ZMAT4: variants seen among roughly 807,000 people sequenced by gnomAD.
The protein encoded by ZMAT4 is zinc finger matrin-type 4.
A neutral mutation model predicts 28.7 loss-of-function variants in ZMAT4; 17 were observed. That is an observed-to-expected ratio of 0.59 (90% CI 0.41 to 0.89). The LOEUF (loss-of-function observed/expected upper bound fraction) is 0.89. Among genes scored for constraint, ZMAT4 ranks in the 40% least tolerant of loss-of-function variants. The pLI, the probability that ZMAT4 is intolerant of heterozygous loss-of-function variation, is 0.00. For missense variants in ZMAT4, 240 were observed against 283.8 expected, an observed-to-expected ratio of 0.85 and a Z score of 1.11; for synonymous variants, 117 against 109.2, an observed-to-expected ratio of 1.07 and a Z score of -0.44.
chr8:40,883,841 C>T (rs898114500), intron 1 of ZMAT4, among the ~76,000 whole-genome samples: 5 of 152,222 alleles, frequency 3.3e-5, no homozygotes, highest in Middle Eastern at 3.4e-3. Context: ...GAGCTACCTC[C>T]GCAGCAGCTC....
chr8:40,615,932 C>T (rs934314925), intron 5 of ZMAT4, among the ~76,000 whole-genome samples: 1 of 152,076 alleles, frequency 6.6e-6, no homozygotes, highest in African/African-American at 2.4e-5. Flanking sequence ...AAGAAACTAC[C>T]ATCAGAGTGA....
intron 5 of ZMAT4, among the ~76,000 whole-genome samples, chr8:40,610,863 A>G (rs1440221959): frequency 6.6e-6 from 1 of 151,840 alleles, no homozygotes; most frequent in Admixed American, 6.6e-5. Flanking sequence ...AAAAGGCTAT[A>G]TGTGAAACCT....
intron 4 of ZMAT4, among the ~76,000 whole-genome samples, chr8:40,691,937 G>T (rs532453605): frequency 9.9e-5 from 15 of 152,222 alleles, no homozygotes; most frequent in African/African-American, 3.6e-4. Context: ...AGTTTTGTAA[G>T]ATCAAGCAAG....
At chr8:40,644,281 G>GA (rs1807197499) in intron 5 of ZMAT4, among the ~76,000 whole-genome samples, 1 of 151,970 alleles carries the variant, frequency 6.6e-6, no homozygotes, top group South Asian at 2.1e-4. Flanking sequence ...TCATTCTCCA[G>GA]AAAAAAAGGA....
intron 3 of ZMAT4, among the ~76,000 whole-genome samples, chr8:40,699,648 A>C (rs1322624562): frequency 6.6e-6 from 1 of 152,088 alleles, no homozygotes. Flanking sequence ...GCCATAAAAA[A>C]GAATGAAATC....
intron 2 of ZMAT4, among the ~76,000 whole-genome samples, chr8:40,814,212 G>A (rs138777140): frequency 0.014 from 2,181 of 152,338 alleles, 24 homozygotes; most frequent in South Asian, 0.064. Flanking sequence ...CAAACAAGAA[G>A]AGCACACTGT....
At chr8:40,540,324 T>A (rs1428582632) in intron 6 of ZMAT4, among the ~76,000 whole-genome samples, 1 of 152,140 alleles carries the variant, frequency 6.6e-6, no homozygotes, top group African/African-American at 2.4e-5. Flanking sequence ...CCTTCCCTTT[T>A]TTCCCTTTTC....
intron 6 of ZMAT4, among the ~76,000 whole-genome samples, chr8:40,580,176 C>A (rs2118540496): frequency 6.6e-6 from 1 of 152,094 alleles, no homozygotes; most frequent in African/African-American, 2.4e-5. Context: ...CCACGCCTGG[C>A]TCATTTTTTG....
intron 6 of ZMAT4, among the ~76,000 whole-genome samples, chr8:40,537,467 A>G (rs1802882619): frequency 6.6e-6 from 1 of 152,196 alleles, no homozygotes; most frequent in African/African-American, 2.4e-5. Flanking sequence ...AATGAATTCA[A>G]CTCTTCTGCT....
intron 2 of ZMAT4, among the ~76,000 whole-genome samples, chr8:40,783,671 A>T (rs1189385569): frequency 6.6e-6 from 1 of 152,168 alleles, no homozygotes; most frequent in Non-Finnish European, 1.5e-5. Context: ...GAAACATGAT[A>T]AAAAATCCCA....
intron 3 of ZMAT4, among the ~76,000 whole-genome samples, chr8:40,703,346 A>C (rs1344456034): frequency 6.6e-6 from 1 of 152,234 alleles, no homozygotes. Context: ...CTGCAGAGGG[A>C]GTAAATAAAA....
chr8:40,764,054 C>A (rs914031069), intron 3 of ZMAT4, among the ~76,000 whole-genome samples: 1 of 151,894 alleles, frequency 6.6e-6, no homozygotes, highest in African/African-American at 2.4e-5. Context: ...CCATACAGAT[C>A]ATTTTTTCCC....
chr8:40,577,454 T>G (rs565960729), intron 6 of ZMAT4, among the ~76,000 whole-genome samples: 1 of 152,172 alleles, frequency 6.6e-6, no homozygotes. Flanking sequence ...TTCTCACTCA[T>G]ATGAAAGCTA....
intron 3 of ZMAT4, among the ~76,000 whole-genome samples, chr8:40,748,320 G>A (rs767450116): frequency 1.3e-5 from 2 of 152,164 alleles, no homozygotes; most frequent in Non-Finnish European, 2.9e-5. Flanking sequence ...CTTGTACCAT[G>A]TTCAGTCACA....
intron 5 of ZMAT4, among the ~76,000 whole-genome samples, chr8:40,637,957 CAG>C (rs1445904728): frequency 5.3e-5 from 8 of 152,170 alleles, no homozygotes; most frequent in Non-Finnish European, 8.8e-5. Flanking sequence ...AGGCCAGACA[CAG>C]GGAGACAAAT....
intron 4 of ZMAT4, among the ~76,000 whole-genome samples, chr8:40,680,555 A>T (rs1280021498): frequency 2.0e-5 from 3 of 152,096 alleles, no homozygotes; most frequent in Admixed American, 6.6e-5. Context: ...GCTGGGGAAG[A>T]GGGTGACACC....
chr8:40,673,207 G>A (rs1402640327), intron 5 of ZMAT4, among the ~76,000 whole-genome samples: 2 of 152,086 alleles, frequency 1.3e-5, no homozygotes, highest in African/African-American at 4.8e-5. Context: ...CTTCTAAAAT[G>A]CCACCCACTT....
At chr8:40,893,919 C>T (rs1206448694) in intron 1 of ZMAT4, among the ~76,000 whole-genome samples, 1 of 152,214 alleles carries the variant, frequency 6.6e-6, no homozygotes, top group Non-Finnish European at 1.5e-5. Flanking sequence ...ATACACACAT[C>T]TTTGATTTCC....
At chr8:40,866,471 A>G (rs776824435) in intron 1 of ZMAT4, among the ~76,000 whole-genome samples, 2 of 152,274 alleles carry the variant, frequency 1.3e-5, no homozygotes, top group Non-Finnish European at 2.9e-5. Context: ...AAAATCACTT[A>G]GCTTAATAAC....
Sources: gnomAD v4.1 joint callset for allele counts (sites outside exome capture counted in the v4.1 genomes callset) on GRCh38, gnomAD v4.1.1 for gene constraint, MANE v1.5 for transcripts, NCBI Gene and HGNC (gene_info 2026-07-23, HGNC 2026-07-21) for gene names.